Variants in KLRG2 observed in about 807,000 individuals in gnomAD.
The protein encoded by KLRG2 is killer cell lectin-like receptor subfamily G member 2.
KLRG2 carries 39 observed loss-of-function variants against 35.4 expected under a neutral mutation model. The observed-to-expected ratio is 1.10, with a 90% CI of 0.85 to 1.44. The LOEUF (loss-of-function observed/expected upper bound fraction) is 1.44. Among genes scored for constraint, KLRG2 ranks in the 40% most tolerant of loss-of-function variants. The pLI is 0.00. For missense variants in KLRG2, 632 were observed against 570.9 expected (o/e 1.11, Z -1.09); for synonymous variants, 283 against 265.8 (o/e 1.06, Z -0.63).
At chr7:139,480,005 A>T in intron 2 of KLRG2, 141 bp downstream of exon 2, 1 of 731,014 alleles carries the variant, frequency 1.4e-6, no homozygotes, top group Non-Finnish European at 2.3e-6. Flanking sequence ...CATTTTCCTT[A>T]ACTTTGCTCA....
chr7:139,457,981 T>G (rs1796504855), intron 3 of KLRG2, among the ~76,000 whole-genome samples: 1 of 152,192 alleles, frequency 6.6e-6, no homozygotes, highest in Non-Finnish European at 1.5e-5. Flanking sequence ...GGAGAGGGAA[T>G]GTGATCCTGA....
At chr7:139,443,465 G>T in the KLRG2 span, among the ~76,000 whole-genome samples, 1 of 152,150 alleles carries the variant, frequency 6.6e-6, no homozygotes, top group Non-Finnish European at 1.5e-5. Context: ...TGCTGATAAG[G>T]TATATACCAA....
intron 3 of KLRG2, among the ~76,000 whole-genome samples, chr7:139,475,884 G>C (rs920203929): frequency 6.6e-6 from 1 of 151,850 alleles, no homozygotes; most frequent in African/African-American, 2.4e-5. Flanking sequence ...AGCTATCTCC[G>C]GGAAAACAGC....
intron 3 of KLRG2, among the ~76,000 whole-genome samples, chr7:139,467,508 T>TA (rs1157624911): frequency 1.3e-5 from 2 of 152,104 alleles, no homozygotes; most frequent in African/African-American, 4.8e-5. Flanking sequence ...TTCTTCTGCC[T>TA]TGGTATGCTG....
At chr7:139,444,224 CT>C in the KLRG2 span, among the ~76,000 whole-genome samples, 1 of 152,222 alleles carries the variant, frequency 6.6e-6, no homozygotes, top group African/African-American at 2.4e-5. Context: ...AAATATTAAT[CT>C]CCTTTATCAA....
chr7:139,428,321 A>G, the KLRG2 span, among the ~76,000 whole-genome samples: 1 of 152,036 alleles, frequency 6.6e-6, no homozygotes, highest in Admixed American at 6.6e-5. Context: ...ATGGCTTTCT[A>G]TAGTTTTGAC....
the KLRG2 span, among the ~76,000 whole-genome samples, chr7:139,433,625 C>CTTT: frequency 7.0e-4 from 83 of 118,994 alleles, 1 homozygote; most frequent in African/African-American, 2.7e-3. Flanking sequence ...TGCGCCCGGC[C>CTTT]TTTTTTTTTT....
At position 139,483,182 on chromosome 7, in the gene KLRG2, G is replaced by C. The variant is rs141268710; in HGVS notation, c.461C>G (p.Pro154Arg). ...PRPSTRFLKV[P>R]VPESPAFSRH... ...GGAGAAGGCAGGGGACTCGGGCACC[G>C]GCACCTTGAGGAAGCGCGTGGAGGG... The change falls in exon 1 of 5, where the codon CCG becomes CGG. Residue 154 changes from proline (P) to arginine (R), a missense_variant. Pro to Arg is a moderately radical substitution (Grantham distance 103). Transcript: ENST00000340940. 3.3e-6 allele frequency: 5 copies of C among 1,507,470 alleles called. No homozygotes were observed. In the African/African-American group the frequency reaches 5.8e-5, roughly 17 times the overall value. 93.4% of individuals were successfully genotyped at this position (1,507,470 alleles called of 1,614,324 possible).
the KLRG2 span, among the ~76,000 whole-genome samples, chr7:139,445,797 G>GTATATATATATATATATGTA: frequency 1.0e-4 from 10 of 99,022 alleles, no homozygotes; most frequent in South Asian, 8.1e-4. Context: ...ATATATGTGT[G>GTATATATATATATATATGTA]TATATATATA....
In KLRG2 at chr7:139,453,446, C is replaced by G; in HGVS notation, c.*141G>C. The G allele has an allele frequency of 1.2e-6, 1 of 830,562 alleles. No individual in the cohort carries two copies. The highest frequency in any genetic ancestry group is 1.7e-5 in the African/African-American group (1 of 57,824). 51.4% of individuals were successfully genotyped at this position (830,562 alleles called of 1,614,324 possible). A position where few individuals can be genotyped will look rare whatever the true frequency, so the allele number is the denominator to read the frequency against. The stretch of plus-strand genomic sequence containing the variant: ...CCTGGGTTGAAGTCCAGCTCCTAGG[C>G]TCGCTCATGTGGCCCCCTTGAGCAG... On this transcript the variant is annotated 3_prime_UTR_variant, in exon 5 of 5. Transcript: ENST00000340940.
At chr7:139,441,235 A>G in the KLRG2 span, among the ~76,000 whole-genome samples, 4 of 152,244 alleles carry the variant, frequency 2.6e-5, no homozygotes, top group Admixed American at 2.0e-4. Flanking sequence ...ATGTCTATCA[A>G]TAATAGACTG....
chr7:139,443,508 G>A, the KLRG2 span, among the ~76,000 whole-genome samples: 2 of 152,076 alleles, frequency 1.3e-5, no homozygotes, highest in Non-Finnish European at 2.9e-5. Flanking sequence ...TATTAGTCAG[G>A]GTTCTCTAGA....
the KLRG2 span, among the ~76,000 whole-genome samples, chr7:139,447,231 A>AGGC: frequency 2.0e-5 from 3 of 152,204 alleles, no homozygotes; most frequent in Non-Finnish European, 2.9e-5. Context: ...GAAATGTCTG[A>AGGC]GAAATTTGTT....
At chr7:139,475,819 G>A (rs904176393) in intron 3 of KLRG2, among the ~76,000 whole-genome samples, 2 of 152,256 alleles carry the variant, frequency 1.3e-5, no homozygotes, top group Admixed American at 6.5e-5. Context: ...GACTTGCGAC[G>A]GGCGTCTGAA....
At chr7:139,476,646 G>T (rs1035035249) in intron 3 of KLRG2, among the ~76,000 whole-genome samples, 3 of 152,016 alleles carry the variant, frequency 2.0e-5, no homozygotes, top group African/African-American at 7.2e-5. Flanking sequence ...CACCAGGTTG[G>T]CCAGGCTGGT....
Position 139,480,178 on chromosome 7 carries a change from C to T in KLRG2, c.827G>A (p.Gly276Glu). ...TGAGGCCAGGACCACAATGACAACC[C>T]CAGAGACTGCCAGGAGCACAGCCAT... is the stretch of plus-strand genomic sequence containing the variant. Reference protein sequence around the residue: ...AFMAVLLAVSGVVIVVLASRA... With the variant: ...AFMAVLLAVSEVVIVVLASRA... Residue 276 changes from glycine (G) to glutamate (E), a missense_variant, in exon 2 of 5, where the codon GGG becomes GAG. Coordinates refer to ENST00000340940, the MANE Select transcript of KLRG2 (RefSeq NM_198508.4). 6.2e-7 allele frequency: 1 copy of T among 1,613,808 alleles called. No individual in the cohort carries two copies. The highest frequency in any genetic ancestry group is 8.5e-7 in the Non-Finnish European group (1 of 1,179,836).
chr7:139,473,465 C>T (rs1796795926), intron 3 of KLRG2, among the ~76,000 whole-genome samples: 1 of 152,092 alleles, frequency 6.6e-6, no homozygotes, highest in African/African-American at 2.4e-5. Flanking sequence ...AAAGCTCAGC[C>T]TCACCCTCAC....
chr7:139,482,241 G>C (rs1796973156), intron 1 of KLRG2, among the ~76,000 whole-genome samples: 1 of 152,208 alleles, frequency 6.6e-6, no homozygotes, highest in African/African-American at 2.4e-5. Context: ...AGGGATGGGG[G>C]GATCTGGGCT....
chr7:139,428,522 G>T, the KLRG2 span, among the ~76,000 whole-genome samples: 1 of 152,088 alleles, frequency 6.6e-6, no homozygotes, highest in Non-Finnish European at 1.5e-5. Context: ...GCTTCCCAAA[G>T]TGCTGGGAGT....
Sources: gnomAD v4.1 joint callset for allele counts (sites outside exome capture counted in the v4.1 genomes callset) on GRCh38, gnomAD v4.1.1 for gene constraint, MANE v1.5 for transcripts, NCBI Gene and HGNC (gene_info 2026-07-23, HGNC 2026-07-21) for gene names.